DOCK4: variants seen among roughly 807,000 people sequenced by gnomAD.
DOCK4 encodes the protein dedicator of cytokinesis protein 4.
DOCK4 carries 97 observed loss-of-function variants against 268.1 expected under a neutral mutation model. The ratio of observed to expected loss-of-function variants is 0.36; its 90% confidence interval spans 0.31 to 0.43. The LOEUF is 0.43. DOCK4 is among the 20% of genes least tolerant of loss of function. DOCK4 has a pLI of 1.00. For synonymous variants in DOCK4, 954 were observed against 887.2 expected, an observed-to-expected ratio of 1.08 and a Z score of -1.34; for missense variants, 2,145 against 2,455.7, an observed-to-expected ratio of 0.87 and a Z score of 2.67.
intron 1 of DOCK4, among the ~76,000 whole-genome samples, chr7:112,095,246 T>A (rs1271320981): frequency 2.6e-5 from 4 of 152,146 alleles, no homozygotes; most frequent in African/African-American, 7.2e-5. Context: ...GAGAGGGCAA[T>A]GTTAAATCAC....
intron 1 of DOCK4, among the ~76,000 whole-genome samples, chr7:112,144,890 A>T (rs1261483465): frequency 6.6e-6 from 1 of 152,278 alleles, no homozygotes; most frequent in Middle Eastern, 3.4e-3. Flanking sequence ...TGATAAGAGG[A>T]ATCTCATCCC....
chr7:111,846,957 C>T, intron 24 of DOCK4, 42 bp downstream of exon 24: 2 of 1,572,740 alleles, frequency 1.3e-6, no homozygotes, highest in South Asian at 1.2e-5. Flanking sequence ...TTTCCAGAAG[C>T]CATTTGAAGG....
rs559084500 is a variant in DOCK4, at chr7:112,199,472, T to C, written c.37+6630A>G. Among the ~76,000 whole-genome samples, 9 of 152,338 alleles carry C rather than the reference T, an allele frequency of 5.9e-5. No homozygotes were observed. In the South Asian group the frequency reaches 1.4e-3, roughly 25 times the overall value. ...TTGATGATTTTTATTTACTTAGTAG[T>C]TACCCAATGTCATCTTGGCACAATT... On this transcript the variant is annotated intron_variant, in intron 1 of 52. Coordinates refer to ENST00000428084, the MANE Select transcript of DOCK4 (RefSeq NM_001363540.2).
chr7:111,983,887 C>CAG (rs1230992061), intron 7 of DOCK4, among the ~76,000 whole-genome samples: 2 of 150,762 alleles, frequency 1.3e-5, no homozygotes, highest in Non-Finnish European at 3.0e-5. Context: ...CACACACACA[C>CAG]TATATGTATA....
chr7:112,173,881 C>T lies in DOCK4; in HGVS notation c.37+32221G>A, dbSNP rs149744749. On this transcript the variant is annotated intron_variant, in intron 1 of 52. Coordinates refer to ENST00000428084, the MANE Select transcript of DOCK4 (RefSeq NM_001363540.2). The stretch of plus-strand genomic sequence containing the variant: ...TAAGAGAGCAAGCAGAATACCTGTG[C>T]GGCCTGACAACAGCAAGGCACTGAC... 4.9e-4 allele frequency among the ~76,000 whole-genome samples: 75 copies of T among 152,198 alleles called. No individual in the cohort carries two copies. In the East Asian group the frequency reaches 0.014, roughly 27 times the overall value.
At chr7:111,852,595 G>A (rs973576395) in intron 23 of DOCK4, among the ~76,000 whole-genome samples, 1 of 151,574 alleles carries the variant, frequency 6.6e-6, no homozygotes, top group African/African-American at 2.4e-5. Flanking sequence ...TATCTGATAT[G>A]TTCCTTCAGC....
chr7:111,826,166 A>AAT (rs1239073591), intron 26 of DOCK4, among the ~76,000 whole-genome samples: 9 of 152,314 alleles, frequency 5.9e-5, no homozygotes, highest in East Asian at 3.9e-4. Context: ...TGAAAATGTG[A>AAT]ATAAGTCTGA....
chr7:111,922,048 C>T (rs1257448475), intron 12 of DOCK4, among the ~76,000 whole-genome samples: 6 of 152,138 alleles, frequency 3.9e-5, no homozygotes, highest in Admixed American at 6.5e-5. Flanking sequence ...TACAAATAGA[C>T]GATAAGTACA....
chr7:112,190,347 G>A (rs1341044133), intron 1 of DOCK4, among the ~76,000 whole-genome samples: 1 of 152,158 alleles, frequency 6.6e-6, no homozygotes, highest in Non-Finnish European at 1.5e-5. Context: ...GGCAGCTGCA[G>A]GGCACAGAGC....
At chr7:111,736,590 T>C (rs903190045) in intron 50 of DOCK4, among the ~76,000 whole-genome samples, 1 of 152,208 alleles carries the variant, frequency 6.6e-6, no homozygotes, top group Non-Finnish European at 1.5e-5. Context: ...GAAGCTATTT[T>C]CATTGTGCTG....
chr7:112,016,700 T>C (rs1801838837), intron 1 of DOCK4, among the ~76,000 whole-genome samples: 1 of 152,166 alleles, frequency 6.6e-6, no homozygotes. Flanking sequence ...TATACTTAGT[T>C]TAGTCTTGAT....
At chr7:111,737,785 G>T (rs990610459) in intron 49 of DOCK4, among the ~76,000 whole-genome samples, 1 of 152,176 alleles carries the variant, frequency 6.6e-6, no homozygotes, top group East Asian at 1.9e-4. Context: ...TTTCAGAGTT[G>T]CCCATGCTGA....
intron 1 of DOCK4, among the ~76,000 whole-genome samples, chr7:112,016,396 T>C (rs934272959): frequency 3.3e-5 from 5 of 152,234 alleles, no homozygotes; most frequent in Non-Finnish European, 7.3e-5. Context: ...ATGATGGTGA[T>C]AGGTTTTATT....
At position 111,993,909 on chromosome 7, in the gene DOCK4, C is replaced by T. The variant is rs180889008; in HGVS notation, c.315+226G>A. Among the ~76,000 whole-genome samples the T allele has an allele frequency of 2.1e-3, 323 of 152,186 alleles. 3 individuals are homozygous for T. Among genetic ancestry groups the T allele is most frequent in the Non-Finnish European group, 3.1e-3 (210 of 68,008 alleles). On this transcript the variant is annotated intron_variant, in intron 5 of 52. Transcript: ENST00000428084. ...GTAAACCATCCTATTTGGTTAGATG[C>T]CAGAAAAATAATCTTTTATATTCCT... is the stretch of plus-strand genomic sequence containing the variant.
In DOCK4 at chr7:111,895,626, G is replaced by A. The variant is rs1808684061; in HGVS notation, c.1573C>T (p.Leu525Phe). The A allele has an allele frequency of 3.1e-6, 5 of 1,613,784 alleles. No individual in the cohort carries two copies. In the East Asian group the frequency reaches 1.1e-4, roughly 36 times the overall value. The change falls in exon 16 of 53, where the codon CTC (leucine) becomes TTC (phenylalanine). Residue 525 changes from leucine (L) to phenylalanine (F), a missense_variant. Coordinates refer to ENST00000428084, the MANE Select transcript of DOCK4 (RefSeq NM_001363540.2). ...ACTGATGTTACCTTATGCACGATGA[G>A]CTCATGAGTGCCATCTGGAAGAGTC... ...GRTLPDGTHE[L>F]IVHKCEENTN...
intron 25 of DOCK4, among the ~76,000 whole-genome samples, chr7:111,843,181 A>G (rs917180657): frequency 1.3e-5 from 2 of 152,216 alleles, no homozygotes; most frequent in African/African-American, 4.8e-5. Context: ...AAACTAGGAG[A>G]TAACATTTAA....
At chr7:111,732,202 C>G in intron 52 of DOCK4, 24 bp downstream of exon 52, 1 of 1,612,992 alleles carries the variant, frequency 6.2e-7, no homozygotes, top group Non-Finnish European at 8.5e-7. Flanking sequence ...AGTCTCTAGC[C>G]TCAGTCGAAA....
intron 1 of DOCK4, among the ~76,000 whole-genome samples, chr7:112,008,039 C>T (rs924287868): frequency 6.6e-5 from 10 of 152,280 alleles, no homozygotes; most frequent in African/African-American, 2.2e-4. Flanking sequence ...GTTTTGATCC[C>T]TCCATTTCCT....
intron 27 of DOCK4, chr7:111,820,614 A>C (rs1319052069): frequency 6.6e-6 from 1 of 152,210 alleles, no homozygotes. Context: ...GATGGGGCAG[A>C]GAGAGGCAGT....
Sources: allele counts gnomAD v4.1 joint callset (sites outside exome capture counted in the v4.1 genomes callset), GRCh38; gene constraint gnomAD v4.1.1; transcripts MANE v1.5; gene names NCBI Gene and HGNC (gene_info 2026-07-23, HGNC 2026-07-21).